The following ADGRL2 variants were observed in gnomAD, a reference collection of about 807,000 sequenced individuals.
The protein encoded by ADGRL2 is calcium-independent alpha-latrotoxin receptor 2.
Under a neutral mutation model 157.4 loss-of-function variants are expected in ADGRL2, and 44 were observed. The ratio of observed to expected loss-of-function variants is 0.28; its 90% CI spans 0.22 to 0.36. The LOEUF is 0.36. Ranked by LOEUF, ADGRL2 falls within the 10% of genes least tolerant of loss-of-function variation. ADGRL2 has a pLI of 1.00. For missense variants in ADGRL2, 1,510 were observed against 1,768.9 expected (o/e 0.85, Z 2.63); for synonymous variants, 585 against 624.7 (o/e 0.94, Z 0.95).
chr1:81,756,958 C>T (rs1345072146), intron 1 of ADGRL2, among the ~76,000 whole-genome samples: 1 of 152,082 alleles, frequency 6.6e-6, no homozygotes, highest in Non-Finnish European at 1.5e-5. Flanking sequence ...CATAAGGAAA[C>T]GTTCATGAAG....
At chr1:81,358,103 C>A (rs79716693) in intron 1 of ADGRL2, among the ~76,000 whole-genome samples, 1 of 151,908 alleles carries the variant, frequency 6.6e-6, no homozygotes, top group East Asian at 1.9e-4. Context: ...ATCAAGCCCC[C>A]AGCGTGAAAA....
chr1:81,322,060 T>C (rs1660538879), intron 1 of ADGRL2, among the ~76,000 whole-genome samples: 2 of 129,196 alleles, frequency 1.5e-5, no homozygotes, highest in South Asian at 5.2e-4. Context: ...TTTTTCAATG[T>C]TCTTCCTTAA....
At chr1:81,820,040 C>A (rs2090824303) in intron 1 of ADGRL2, among the ~76,000 whole-genome samples, 2 of 152,098 alleles carry the variant, frequency 1.3e-5, no homozygotes, top group Admixed American at 1.3e-4. Context: ...GAGTAACAAT[C>A]ATTTCCTCAA....
At chr1:81,607,608 C>G (rs1299406372) in intron 3 of ADGRL2, among the ~76,000 whole-genome samples, 1 of 152,140 alleles carries the variant, frequency 6.6e-6, no homozygotes. Flanking sequence ...AGAAAGAACA[C>G]CTTTCCTTTG....
intron 2 of ADGRL2, among the ~76,000 whole-genome samples, chr1:81,861,522 GAA>G (rs1219318817): frequency 1.3e-5 from 2 of 152,164 alleles, no homozygotes; most frequent in African/African-American, 4.8e-5. Context: ...TATACTAAGA[GAA>G]ATTTATATTT....
At chr1:81,964,905 A>G (rs913361968) in intron 11 of ADGRL2, among the ~76,000 whole-genome samples, 8 of 152,172 alleles carry the variant, frequency 5.3e-5, no homozygotes, top group Non-Finnish European at 8.8e-5. Context: ...AATTATTAAT[A>G]TAAGATAGTT....
intron 3 of ADGRL2, among the ~76,000 whole-genome samples, chr1:81,624,557 C>T (rs1329282277): frequency 4.6e-5 from 7 of 151,804 alleles, no homozygotes; most frequent in South Asian, 2.1e-4. Context: ...CCCACCCCCC[C>T]CAAAAATAAA....
intron 1 of ADGRL2, among the ~76,000 whole-genome samples, chr1:81,396,872 G>T (rs1401881215): frequency 6.6e-6 from 1 of 152,098 alleles, no homozygotes; most frequent in Non-Finnish European, 1.5e-5. Context: ...CTGAATTTGG[G>T]TTGCTAGTAT....
At chr1:81,769,999 G>A (rs938976745) in intron 2 of ADGRL2, among the ~76,000 whole-genome samples, 1 of 151,766 alleles carries the variant, frequency 6.6e-6, no homozygotes, top group Non-Finnish European at 1.5e-5. Context: ...AAGTAGCTGG[G>A]ATTACAGGCA....
chr1:81,320,513 G>A (rs1189857347), intron 1 of ADGRL2, among the ~76,000 whole-genome samples: 1 of 152,166 alleles, frequency 6.6e-6, no homozygotes, highest in Non-Finnish European at 1.5e-5. Flanking sequence ...AGACTTGAAG[G>A]TCAAAATTCC....
chr1:81,361,412 A>T (rs1187643561), intron 1 of ADGRL2, among the ~76,000 whole-genome samples: 1 of 151,898 alleles, frequency 6.6e-6, no homozygotes, highest in African/African-American at 2.4e-5. Flanking sequence ...CTTTGTTTTT[A>T]GCACTTTAAA....
intron 1 of ADGRL2, among the ~76,000 whole-genome samples, chr1:81,712,755 A>ATTTTTTTTTTT (rs60265943): frequency 1.0e-5 from 1 of 100,250 alleles, no homozygotes; most frequent in Non-Finnish European, 1.9e-5. Flanking sequence ...TGGATCGCGG[A>ATTTTTTTTTTT]TTTTTTTTTT....
At chr1:81,875,941 T>C (rs1241649421) in intron 2 of ADGRL2, among the ~76,000 whole-genome samples, 1 of 152,196 alleles carries the variant, frequency 6.6e-6, no homozygotes, top group African/African-American at 2.4e-5. Context: ...CTATAGTAGT[T>C]CAGCTTTTTA....
At chr1:81,965,582 A>T (rs1405385308) in intron 11 of ADGRL2, among the ~76,000 whole-genome samples, 1 of 152,212 alleles carries the variant, frequency 6.6e-6, no homozygotes, top group Non-Finnish European at 1.5e-5. Context: ...AGATAGAAAG[A>T]GTTGTATAGA....
intron 3 of ADGRL2, among the ~76,000 whole-genome samples, chr1:81,935,406 T>C (rs909215124): frequency 3.9e-5 from 6 of 152,010 alleles, no homozygotes; most frequent in African/African-American, 1.4e-4. Flanking sequence ...CTTTGAATTA[T>C]AAAATTTACC....
chr1:81,512,429 G>T (rs765262837), intron 2 of ADGRL2, among the ~76,000 whole-genome samples: 5 of 152,144 alleles, frequency 3.3e-5, no homozygotes, highest in Non-Finnish European at 7.4e-5. Context: ...AGTAACGTCA[G>T]CAGTTCTGTG....
intron 1 of ADGRL2, among the ~76,000 whole-genome samples, chr1:81,388,237 G>T (rs2076472554): frequency 6.6e-6 from 1 of 152,124 alleles, no homozygotes; most frequent in African/African-American, 2.4e-5. Context: ...ATAGTGCTTT[G>T]TGTGTGTTTT....
At chr1:81,982,073 T>TTG in intron 19 of ADGRL2, 97 bp downstream of exon 19, 1 of 974,372 alleles carries the variant, frequency 1.0e-6, no homozygotes. Flanking sequence ...ATCTGGCATA[T>TTG]TGTTAAAGAG....
intron 3 of ADGRL2, among the ~76,000 whole-genome samples, chr1:81,679,348 C>T (rs1023970924): frequency 2.0e-5 from 3 of 151,644 alleles, no homozygotes; most frequent in Admixed American, 1.3e-4. Flanking sequence ...TATCTTTTGC[C>T]TCTCTATATC....
Sources: gnomAD v4.1 joint callset for allele counts (sites outside exome capture counted in the v4.1 genomes callset) on GRCh38, gnomAD v4.1.1 for gene constraint, MANE v1.5 for transcripts, NCBI Gene and HGNC (gene_info 2026-07-23, HGNC 2026-07-21) for gene names.